Variants in UBE2E2 observed in about 807,000 individuals in gnomAD.
The protein encoded by UBE2E2 is ubiquitin-conjugating enzyme E2 E2.
A neutral mutation model predicts 24.7 loss-of-function variants in UBE2E2; 6 were observed. The ratio of observed to expected loss-of-function variants is 0.24; its 90% CI spans 0.13 to 0.48. UBE2E2 has a LOEUF of 0.48. Ranked by LOEUF, UBE2E2 falls within the 20% of genes least tolerant of loss-of-function variation. The pLI is 0.99. For missense variants in UBE2E2, 169 were observed against 245.0 expected, an observed-to-expected ratio of 0.69 and a Z score of 2.07; for synonymous variants, 104 against 83.6, an observed-to-expected ratio of 1.24 and a Z score of -1.33.
intron 5 of UBE2E2, among the ~76,000 whole-genome samples, chr3:23,534,917 CACTTAAAAAAT>C (rs1310814821): frequency 2.4e-4 from 37 of 152,176 alleles, no homozygotes; most frequent in African/African-American, 8.7e-4. Flanking sequence ...AAATTTAACT[CACTTAAAAAAT>C]ACTTTCTCAC....
At chr3:23,370,974 T>C (rs1240199558) in intron 3 of UBE2E2, among the ~76,000 whole-genome samples, 1 of 152,200 alleles carries the variant, frequency 6.6e-6, no homozygotes, top group Non-Finnish European at 1.5e-5. Context: ...AGAGTCTGAG[T>C]AACTAACATT....
intron 3 of UBE2E2, among the ~76,000 whole-genome samples, chr3:23,383,082 AAGGAAGAAAAGTAAAAGT>A (rs1237670153): frequency 6.6e-6 from 1 of 152,220 alleles, no homozygotes; most frequent in African/African-American, 2.4e-5. Flanking sequence ...AATGAGTTTA[AAGGAAGAAAAGTAAAAGT>A]AGGAAGAACA....
chr3:23,228,967 CTGAG>C (rs1325743013), intron 3 of UBE2E2, among the ~76,000 whole-genome samples: 3 of 143,066 alleles, frequency 2.1e-5, no homozygotes, highest in Non-Finnish European at 3.2e-5. Context: ...AGATTTCTGC[CTGAG>C]TATCGACCAT....
chr3:23,402,694 A>G lies in UBE2E2; in HGVS notation c.228-96914A>G, dbSNP rs1282602695. 2.6e-5 allele frequency among the ~76,000 whole-genome samples: 4 copies of G among 152,348 alleles called. No homozygotes were observed. In the South Asian group the frequency reaches 8.3e-4, roughly 32 times the overall value. The stretch of plus-strand genomic sequence containing the variant: ...TGTGATGTCATCAGGGTTACAATAC[A>G]ATAAATACTCTAGTTATATGTTTTA... On this transcript the variant is annotated intron_variant, in intron 3 of 5. Coordinates refer to ENST00000396703, the MANE Select transcript of UBE2E2 (RefSeq NM_152653.4).
chr3:23,434,375 G>C (rs554468634), intron 3 of UBE2E2, among the ~76,000 whole-genome samples: 1 of 152,120 alleles, frequency 6.6e-6, no homozygotes, highest in South Asian at 2.1e-4. Flanking sequence ...CTAGAATTCT[G>C]AAGAGAATAA....
intron 3 of UBE2E2, among the ~76,000 whole-genome samples, chr3:23,317,107 T>C (rs993425565): frequency 1.1e-4 from 16 of 152,194 alleles, no homozygotes; most frequent in Admixed American, 7.2e-4. Context: ...TTAGCCTCCT[T>C]GGCTGGTGTG....
chr3:23,552,299 G>A (rs73141804), intron 5 of UBE2E2, among the ~76,000 whole-genome samples: 168 of 152,206 alleles, frequency 1.1e-3, no homozygotes, highest in African/African-American at 3.4e-3. Flanking sequence ...GTTGCACTGG[G>A]CCAAGATCAG....
intron 3 of UBE2E2, among the ~76,000 whole-genome samples, chr3:23,482,180 C>G (rs762152118): frequency 6.6e-6 from 1 of 152,154 alleles, no homozygotes; most frequent in African/African-American, 2.4e-5. Flanking sequence ...GTTTCTAGAG[C>G]CTTTCATTTG....
intron 5 of UBE2E2, among the ~76,000 whole-genome samples, chr3:23,574,241 C>T (rs138962269): frequency 6.6e-6 from 1 of 152,080 alleles, no homozygotes; most frequent in African/African-American, 2.4e-5. Context: ...TAGTTGGTGT[C>T]AGAGGGAGGG....
rs1696387154 is a variant in UBE2E2 at position 23,578,024 on chromosome 3, A to AAAG, written c.509-11708_509-11706dup. On this transcript the variant is annotated intron_variant, in intron 5 of 5. Coordinates refer to ENST00000396703, the MANE Select transcript of UBE2E2 (RefSeq NM_152653.4). ...CTACCTCTCAGAAAAAAAAAAAAAA[A>AAAG]AAGATTCTTTTCAAAATACTAGTAC... Among the ~76,000 whole-genome samples the AAAG allele has an allele frequency of 2.0e-5, 3 of 152,026 alleles. No homozygotes were observed. The South Asian group carries it at 6.2e-4, about 32-fold the overall frequency.
intron 3 of UBE2E2, among the ~76,000 whole-genome samples, chr3:23,284,600 T>C (rs1310321719): frequency 6.6e-6 from 1 of 152,064 alleles, no homozygotes; most frequent in African/African-American, 2.4e-5. Flanking sequence ...CATGTCTGTG[T>C]GAGGTGGGGG....
chr3:23,311,969 G>A (rs571342033), intron 3 of UBE2E2, among the ~76,000 whole-genome samples: 1 of 152,252 alleles, frequency 6.6e-6, no homozygotes, highest in African/African-American at 2.4e-5. Context: ...CTGGTGGGAG[G>A]CGATTGGATC....
chr3:23,357,076 A>G (rs556581722), intron 3 of UBE2E2, among the ~76,000 whole-genome samples: 1 of 152,312 alleles, frequency 6.6e-6, no homozygotes, highest in South Asian at 2.1e-4. Context: ...TGGCAATTAA[A>G]TGCTTTGACC....
intron 3 of UBE2E2, among the ~76,000 whole-genome samples, chr3:23,314,121 C>T (rs148834416): frequency 2.0e-5 from 3 of 152,148 alleles, no homozygotes; most frequent in African/African-American, 7.2e-5. Flanking sequence ...TGAAAAGTTG[C>T]TGTAGTTACT....
intron 4 of UBE2E2, among the ~76,000 whole-genome samples, chr3:23,528,522 CT>C (rs1695051054): frequency 6.6e-6 from 1 of 152,134 alleles, no homozygotes; most frequent in Non-Finnish European, 1.5e-5. Context: ...GTTCCTGCCT[CT>C]TTCTTAAGTC....
intron 3 of UBE2E2, among the ~76,000 whole-genome samples, chr3:23,299,333 A>G (rs1214880883): frequency 6.6e-6 from 1 of 151,920 alleles, no homozygotes; most frequent in Non-Finnish European, 1.5e-5. Flanking sequence ...TAGCTTTTGA[A>G]TGTGTTTGCT....
intron 3 of UBE2E2, among the ~76,000 whole-genome samples, chr3:23,268,774 G>T (rs1698139584): frequency 6.7e-6 from 1 of 148,988 alleles, no homozygotes; most frequent in African/African-American, 2.5e-5. Context: ...AACGAAGCTG[G>T]AGGCATCACG....
At chr3:23,384,451 A>G (rs1696754279) in intron 3 of UBE2E2, among the ~76,000 whole-genome samples, 1 of 152,150 alleles carries the variant, frequency 6.6e-6, no homozygotes, top group African/African-American at 2.4e-5. Context: ...GGTGTGAGCC[A>G]CTGCGCCTGA....
At chr3:23,222,638 C>T (rs1696686298) in intron 3 of UBE2E2, among the ~76,000 whole-genome samples, 1 of 152,188 alleles carries the variant, frequency 6.6e-6, no homozygotes, top group South Asian at 2.1e-4. Flanking sequence ...CCAGGTGGAA[C>T]CATGAGTCCA....
Sources: gnomAD v4.1 joint callset for allele counts (sites outside exome capture counted in the v4.1 genomes callset) on GRCh38, gnomAD v4.1.1 for gene constraint, MANE v1.5 for transcripts, NCBI Gene and HGNC (gene_info 2026-07-23, HGNC 2026-07-21) for gene names.